The following ARB2A variants were observed in gnomAD, a reference collection of about 807,000 sequenced individuals.
ARB2A encodes ARB2 cotranscriptional regulator A.
At chr5:93,788,409 C>T in the ARB2A span, among the ~76,000 whole-genome samples, 14,290 of 152,132 alleles carry the variant, frequency 0.094, 829 homozygotes, top group Middle Eastern at 0.17. Flanking sequence ...TGCAGGCCTT[C>T]CACAGGGCTG....
chr5:93,767,723 G>A, the ARB2A span, among the ~76,000 whole-genome samples: 3 of 151,942 alleles, frequency 2.0e-5, no homozygotes, highest in South Asian at 6.2e-4. Flanking sequence ...GGCCGGGCAC[G>A]TTGGCTCACG....
chr5:94,078,156 T>A, the ARB2A span, among the ~76,000 whole-genome samples: 1 of 152,196 alleles, frequency 6.6e-6, no homozygotes, highest in Non-Finnish European at 1.5e-5. Context: ...ATACGTGATT[T>A]TGCAACAGAA....
At chr5:93,909,339 G>A in the ARB2A span, among the ~76,000 whole-genome samples, 1 of 150,730 alleles carries the variant, frequency 6.6e-6, no homozygotes. Flanking sequence ...CTGAATAAAT[G>A]AAATTGAATT....
At chr5:94,007,287 T>C in the ARB2A span, among the ~76,000 whole-genome samples, 1 of 152,124 alleles carries the variant, frequency 6.6e-6, no homozygotes, top group Non-Finnish European at 1.5e-5. Flanking sequence ...TGGTAAAGAT[T>C]AAAAGTATAA....
the ARB2A span, among the ~76,000 whole-genome samples, chr5:93,999,312 G>C: frequency 6.6e-6 from 1 of 151,868 alleles, no homozygotes; most frequent in African/African-American, 2.4e-5. Context: ...ACAAAGGGCA[G>C]ATCAAATAAA....
chr5:93,875,110 A>G, the ARB2A span, among the ~76,000 whole-genome samples: 1 of 152,270 alleles, frequency 6.6e-6, no homozygotes, highest in Non-Finnish European at 1.5e-5. Context: ...CCATATGCTA[A>G]GGCACCTGGC....
At chr5:93,697,277 T>C in the ARB2A span, among the ~76,000 whole-genome samples, 1 of 152,028 alleles carries the variant, frequency 6.6e-6, no homozygotes, top group African/African-American at 2.4e-5. Flanking sequence ...GTTTTGACCC[T>C]TTCTATATCT....
chr5:93,631,801 G>A, the ARB2A span, among the ~76,000 whole-genome samples: 1 of 144,542 alleles, frequency 6.9e-6, no homozygotes, highest in Non-Finnish European at 1.5e-5. Flanking sequence ...GGGGGATAGG[G>A]AGAGGGGGAG....
At chr5:93,642,973 G>A in the ARB2A span, among the ~76,000 whole-genome samples, 1 of 152,170 alleles carries the variant, frequency 6.6e-6, no homozygotes, top group Non-Finnish European at 1.5e-5. Context: ...ATCAGGAGAA[G>A]TAACTCAGAG....
the ARB2A span, among the ~76,000 whole-genome samples, chr5:94,089,183 T>C: frequency 4.6e-5 from 7 of 152,324 alleles, no homozygotes; most frequent in East Asian, 1.3e-3. Flanking sequence ...TTTGTTTAAG[T>C]GACAAATGCT....
chr5:94,062,144 C>A, the ARB2A span, among the ~76,000 whole-genome samples: 3 of 152,004 alleles, frequency 2.0e-5, no homozygotes, highest in Non-Finnish European at 2.9e-5. Flanking sequence ...TTGACAGGCA[C>A]GAAAAAGCAA....
At chr5:93,867,196 G>A in the ARB2A span, among the ~76,000 whole-genome samples, 1 of 152,126 alleles carries the variant, frequency 6.6e-6, no homozygotes, top group Admixed American at 6.5e-5. Context: ...GAAAGGTACT[G>A]ATATTATTAT....
chr5:93,936,693 T>C, the ARB2A span, among the ~76,000 whole-genome samples: 6 of 152,192 alleles, frequency 3.9e-5, no homozygotes, highest in Admixed American at 6.5e-5. Context: ...CTTTGGATCC[T>C]AATTATATTC....
the ARB2A span, among the ~76,000 whole-genome samples, chr5:93,927,239 T>G: frequency 6.6e-6 from 1 of 152,018 alleles, no homozygotes; most frequent in Non-Finnish European, 1.5e-5. Flanking sequence ...TTAGGAAAAT[T>G]TGGAAAAAGA....
At chr5:93,620,744 C>G in the ARB2A span, 2 of 403,502 alleles carry the variant, frequency 5.0e-6, no homozygotes, top group East Asian at 4.0e-5. Flanking sequence ...TTAATGTGAG[C>G]GCTGACTGGC....
the ARB2A span, among the ~76,000 whole-genome samples, chr5:94,012,044 T>C: frequency 5.3e-5 from 8 of 150,724 alleles, no homozygotes; most frequent in Non-Finnish European, 8.8e-5. Flanking sequence ...ATAGTTAAGA[T>C]AACATATTGA....
the ARB2A span, among the ~76,000 whole-genome samples, chr5:94,110,855 T>C: frequency 1.3e-5 from 2 of 152,194 alleles, no homozygotes; most frequent in African/African-American, 4.8e-5. Context: ...CAACATTGCA[T>C]GTCATTAAAT....
chr5:93,725,167 G>T, the ARB2A span, among the ~76,000 whole-genome samples: 2 of 151,964 alleles, frequency 1.3e-5, no homozygotes, highest in East Asian at 3.9e-4. Context: ...CCTGTGGAAA[G>T]CAAAACTGCA....
chr5:93,849,348 A>G, the ARB2A span, among the ~76,000 whole-genome samples: 1 of 152,244 alleles, frequency 6.6e-6, no homozygotes, highest in Non-Finnish European at 1.5e-5. Flanking sequence ...AAAAAGAAAA[A>G]TTTTCTACTG....
Sources: gnomAD v4.1 joint callset for allele counts (sites outside exome capture counted in the v4.1 genomes callset) on GRCh38, gnomAD v4.1.1 for gene constraint, MANE v1.5 for transcripts, NCBI Gene and HGNC (gene_info 2026-07-23, HGNC 2026-07-21) for gene names.